Variants in PDK1 observed in about 807,000 individuals in gnomAD.
PDK1 encodes the protein pyruvate dehydrogenase kinase 1, also known as [Pyruvate dehydrogenase (acetyl-transferring)] kinase isozyme 1, mitochondrial.
Under a neutral mutation model 54.2 loss-of-function variants are expected in PDK1, and 39 were observed. The observed-to-expected ratio is 0.72, with a 90% CI of 0.56 to 0.94. The LOEUF is 0.94. PDK1 is among the 40% of genes least tolerant of loss of function. The pLI is 0.00. For synonymous variants in PDK1, 221 were observed against 207.1 expected (o/e 1.07, Z -0.58); for missense variants, 552 against 566.0 (o/e 0.98, Z 0.25).
the PDK1 span, among the ~76,000 whole-genome samples, chr2:172,668,725 A>G: frequency 6.7e-6 from 1 of 148,758 alleles, no homozygotes; most frequent in East Asian, 2.0e-4. Context: ...GAAGGAAGAA[A>G]TGTCATTTTA....
chr2:172,575,092 A>G (rs147147294), intron 8 of PDK1, among the ~76,000 whole-genome samples: 153 of 152,284 alleles, frequency 1.0e-3, no homozygotes, highest in Non-Finnish European at 1.8e-3. Flanking sequence ...AATTTTGTCA[A>G]GTGCTTTTTC....
the PDK1 span, among the ~76,000 whole-genome samples, chr2:172,652,908 T>C: frequency 1.3e-5 from 2 of 152,274 alleles, no homozygotes; most frequent in African/African-American, 4.8e-5. Context: ...AGGTAATTTA[T>C]AGATTCAATG....
chr2:172,684,681 G>A, the PDK1 span, among the ~76,000 whole-genome samples: 34,701 of 152,082 alleles, frequency 0.23, 4,137 homozygotes, highest in Admixed American at 0.27. Flanking sequence ...TTCAGTCTCA[G>A]CAAGGACATT....
rs1691361690 is a variant in PDK1, at chr2:172,608,367, C to A, written c.*12398C>A. On this transcript the variant is annotated 3_prime_UTR_variant, in exon 11 of 11. Coordinates refer to ENST00000282077, the MANE Select transcript of PDK1 (RefSeq NM_002610.5). ...ATTATATAGCTAGTTTACTCTTCCA[C>A]CCCCAAGATTCTGGGGTATTTTGGC... 6.6e-6 allele frequency: 1 copy of A among 152,126 alleles called. No homozygotes were observed. The highest frequency in any genetic ancestry group is 1.5e-5 in the Non-Finnish European group (1 of 68,020). The allele number at this position is 152,126 out of a possible 1,614,324, so 9.4% of individuals were successfully genotyped here. A position where few individuals can be genotyped will look rare whatever the true frequency, so the allele number is the denominator to read the frequency against.
At chr2:172,627,273 T>C in the PDK1 span, among the ~76,000 whole-genome samples, 1 of 152,246 alleles carries the variant, frequency 6.6e-6, no homozygotes. Context: ...TCAGACATTA[T>C]CTGCAATACA....
chr2:172,649,926 C>A, the PDK1 span, among the ~76,000 whole-genome samples: 1 of 152,142 alleles, frequency 6.6e-6, no homozygotes, highest in African/African-American at 2.4e-5. Context: ...AGGATATTAT[C>A]CAGGAGAACT....
chr2:172,561,074 TAA>T (rs1411549466), intron 2 of PDK1, among the ~76,000 whole-genome samples: 14 of 152,370 alleles, frequency 9.2e-5, no homozygotes, highest in African/African-American at 3.4e-4. Context: ...GGAATAGTTA[TAA>T]GTGTGGATTA....
chr2:172,577,668 TA>T (rs1403967634), intron 8 of PDK1, among the ~76,000 whole-genome samples: 1 of 152,162 alleles, frequency 6.6e-6, no homozygotes, highest in Non-Finnish European at 1.5e-5. Context: ...TTCAGATTAA[TA>T]CCAATTTGCT....
At chr2:172,608,904 C>G (rs949648120), downstream of PDK1, among the ~76,000 whole-genome samples, 7 of 152,138 alleles carry the variant, frequency 4.6e-5, no homozygotes, top group African/African-American at 1.4e-4. Context: ...TTAACAGCCA[C>G]TCAGGACGTT....
the PDK1 span, among the ~76,000 whole-genome samples, chr2:172,625,286 G>C: frequency 6.6e-6 from 1 of 152,210 alleles, no homozygotes; most frequent in Non-Finnish European, 1.5e-5. Flanking sequence ...CACTCTCCCC[G>C]TCCCCACTCT....
the PDK1 span, among the ~76,000 whole-genome samples, chr2:172,619,047 T>A: frequency 2.9e-4 from 44 of 152,310 alleles, no homozygotes; most frequent in Admixed American, 2.7e-3. Flanking sequence ...AATGCAGGTT[T>A]TTCTTCCTAG....
At chr2:172,696,737 A>T in the PDK1 span, among the ~76,000 whole-genome samples, 2 of 152,124 alleles carry the variant, frequency 1.3e-5, no homozygotes, top group African/African-American at 4.8e-5. Flanking sequence ...ATATTTCTGC[A>T]TTGCTAAAAT....
At chr2:172,572,225 C>G (rs1689314570) in intron 8 of PDK1, among the ~76,000 whole-genome samples, 2 of 152,186 alleles carry the variant, frequency 1.3e-5, no homozygotes, top group African/African-American at 4.8e-5. Flanking sequence ...CTCCCCTCCC[C>G]TAGCCCAAGG....
chr2:172,620,026 G>A, the PDK1 span, among the ~76,000 whole-genome samples: 2 of 152,130 alleles, frequency 1.3e-5, no homozygotes, highest in African/African-American at 2.4e-5. Context: ...TTAGCCAGGC[G>A]GTAGTGGCGT....
chr2:172,621,893 TGTATG>T, the PDK1 span, among the ~76,000 whole-genome samples: 9 of 117,178 alleles, frequency 7.7e-5, no homozygotes, highest in African/African-American at 2.6e-4. Context: ...ATATCTCATA[TGTATG>T]ATATATGTTT....
the PDK1 span, among the ~76,000 whole-genome samples, chr2:172,697,692 T>C: frequency 6.6e-6 from 1 of 152,216 alleles, no homozygotes; most frequent in Non-Finnish European, 1.5e-5. Context: ...CATTAATCTT[T>C]CAATAAATAT....
Position 172,576,821 on chromosome 2 carries a change from A to G in PDK1, c.945+5997A>G, listed in dbSNP as rs186238896. On this transcript the variant is annotated intron_variant, in intron 8 of 10. Transcript: ENST00000282077. ...ATTTCATTCTGTTGTGATTGGAAAC[A>G]TACTTTGTATGATTTCAAGTATACA... Among the ~76,000 whole-genome samples, 278 of 152,310 alleles carry G rather than the reference A, an allele frequency of 1.8e-3. 5 individuals are homozygous for G. Among genetic ancestry groups the G allele is most frequent in the Non-Finnish European group, 3.8e-4 (26 of 68,024 alleles).
chr2:172,590,602 G>A (rs779035387), intron 9 of PDK1, among the ~76,000 whole-genome samples: 94 of 152,122 alleles, frequency 6.2e-4, no homozygotes, highest in Non-Finnish European at 1.2e-3. Context: ...TGAGTGTTAC[G>A]GCTCATAAAG....
chr2:172,641,441 AT>A, the PDK1 span, among the ~76,000 whole-genome samples: 95,689 of 119,500 alleles, frequency 0.8, 39,023 homozygotes, highest in Non-Finnish European at 0.92. Flanking sequence ...TAACTTGTCC[AT>A]TTTTTTTTTT....
Sources: gnomAD v4.1 joint callset for allele counts (sites outside exome capture counted in the v4.1 genomes callset) on GRCh38, gnomAD v4.1.1 for gene constraint, MANE v1.5 for transcripts, NCBI Gene and HGNC (gene_info 2026-07-23, HGNC 2026-07-21) for gene names.